Variants in IL1RAPL2 observed in about 807,000 individuals in gnomAD.
IL1RAPL2 encodes X-linked interleukin-1 receptor accessory protein-like 2.
Under a neutral mutation model 44.1 loss-of-function variants are expected in IL1RAPL2, and 3 were observed. The observed-to-expected ratio is 0.07, with a 90% CI of 0.03 to 0.18. The LOEUF (loss-of-function observed/expected upper bound fraction) is 0.18, where lower values mean the gene tolerates loss of function less well. IL1RAPL2 is among the 10% of genes least tolerant of loss of function. IL1RAPL2 has a pLI of 1.00. For missense variants in IL1RAPL2, 391 were observed against 496.4 expected (o/e 0.79, Z 2.02); for synonymous variants, 181 against 178.8 (o/e 1.01, Z -0.10).
At chrX:104,660,964 A>G (rs1930388391) in intron 2 of IL1RAPL2, among the ~76,000 whole-genome samples, 1 of 109,753 alleles carries the variant, frequency 9.1e-6, no homozygotes, top group Non-Finnish European at 1.9e-5. Context: ...ACACACACAC[A>G]CATACACACA....
intron 6 of IL1RAPL2, among the ~76,000 whole-genome samples, chrX:105,533,991 C>G (rs1602454218): frequency 8.9e-6 from 1 of 112,112 alleles, no homozygotes; most frequent in Non-Finnish European, 1.9e-5. Context: ...TAGATTATGG[C>G]TAACATTTTG....
intron 2 of IL1RAPL2, among the ~76,000 whole-genome samples, chrX:105,177,682 C>T (rs1012680967): frequency 9.0e-6 from 1 of 111,215 alleles, no homozygotes; most frequent in African/African-American, 3.3e-5. Context: ...AAATACGTAC[C>T]AACTAACAAA....
At chrX:105,705,891 G>C (rs1223197052) in intron 6 of IL1RAPL2, among the ~76,000 whole-genome samples, 1 of 111,586 alleles carries the variant, frequency 9.0e-6, no homozygotes, top group African/African-American at 3.3e-5. Flanking sequence ...TAAAAGCTTA[G>C]AAATACAAAA....
intron 6 of IL1RAPL2, among the ~76,000 whole-genome samples, chrX:105,573,997 C>T (rs2037033206): frequency 9.0e-6 from 1 of 111,118 alleles, no homozygotes; most frequent in Non-Finnish European, 1.9e-5. Context: ...GGGAAGACCA[C>T]TAAGGATATT....
intron 5 of IL1RAPL2, among the ~76,000 whole-genome samples, chrX:105,355,149 G>C (rs1035162016): frequency 6.3e-5 from 7 of 111,327 alleles, no homozygotes; most frequent in African/African-American, 2.3e-4. Context: ...ATCTGGTACT[G>C]CTCCTTGTAA....
chrX:104,880,030 G>A (rs1923021054), intron 2 of IL1RAPL2, among the ~76,000 whole-genome samples: 1 of 110,615 alleles, frequency 9.0e-6, no homozygotes, highest in Admixed American at 9.7e-5. Flanking sequence ...TCAAATGATA[G>A]TACTTCTCAT....
chrX:104,790,775 A>G (rs889214028), intron 2 of IL1RAPL2, among the ~76,000 whole-genome samples: 1 of 111,404 alleles, frequency 9.0e-6, no homozygotes, highest in African/African-American at 3.3e-5. Context: ...TCTTCCTGTT[A>G]CCTTTTTCAC....
intron 3 of IL1RAPL2, chrX:105,218,882 C>G: frequency 9.7e-6 from 9 of 924,969 alleles, no homozygotes; most frequent in Non-Finnish European, 1.4e-5. Context: ...CCACCCCGGC[C>G]CCCGCCACCA....
Position 105,410,235 on chromosome X carries a change from A to T in IL1RAPL2, c.698-74078A>T, listed in dbSNP as rs144657613. Among the ~76,000 whole-genome samples, 718 of 110,644 alleles carry T rather than the reference A, an allele frequency of 6.5e-3. 4 individuals carry two copies. The highest frequency in any genetic ancestry group is 0.023 in the African/African-American group (704 of 30,537). On this transcript the variant is annotated intron_variant, in intron 5 of 10. Coordinates refer to ENST00000372582, the MANE Select transcript of IL1RAPL2 (RefSeq NM_017416.2). ...GTAGAAGTCAAGGCAGTAGATCCAT[A>T]TATGGGAGTCATCAGTATCTATATG... is the stretch of plus-strand genomic sequence containing the variant.
At chrX:105,467,225 T>A (rs1054505373) in intron 5 of IL1RAPL2, among the ~76,000 whole-genome samples, 1 of 111,947 alleles carries the variant, frequency 8.9e-6, no homozygotes, top group African/African-American at 3.2e-5. Context: ...TCTGAGATTT[T>A]CAAACTTTAA....
chrX:104,738,338 G>A (rs748804414), intron 2 of IL1RAPL2, among the ~76,000 whole-genome samples: 2 of 112,382 alleles, frequency 1.8e-5, no homozygotes, highest in East Asian at 2.8e-4. Context: ...GTGATAAAGT[G>A]CAGTAATATG....
chrX:104,716,642 A>G (rs1000249441), intron 2 of IL1RAPL2, among the ~76,000 whole-genome samples: 2 of 111,599 alleles, frequency 1.8e-5, no homozygotes, highest in African/African-American at 6.5e-5. Flanking sequence ...AAAAGAAGAC[A>G]TACATCCACC....
At chrX:105,080,488 T>C (rs1309633376) in intron 2 of IL1RAPL2, among the ~76,000 whole-genome samples, 2 of 112,155 alleles carry the variant, frequency 1.8e-5, no homozygotes, top group East Asian at 5.6e-4. Context: ...CCTTTCCCCA[T>C]TGCTTGTTTT....
At chrX:104,621,429 A>G (rs780459131) in intron 1 of IL1RAPL2, among the ~76,000 whole-genome samples, 1 of 109,110 alleles carries the variant, frequency 9.2e-6, no homozygotes, top group East Asian at 2.9e-4. Flanking sequence ...TCTGTGTGCC[A>G]TTGCTGGGTG....
intron 8 of IL1RAPL2, among the ~76,000 whole-genome samples, chrX:105,746,244 A>G (rs1847305291): frequency 8.9e-6 from 1 of 112,298 alleles, no homozygotes; most frequent in African/African-American, 3.2e-5. Flanking sequence ...GAAGGTAAAA[A>G]GAGCTACACA....
At chrX:104,654,537 G>A in intron 1 of IL1RAPL2, among the ~76,000 whole-genome samples, 1 of 111,185 alleles carries the variant, frequency 9.0e-6, no homozygotes. Flanking sequence ...TGTGAAATAA[G>A]ATCAAAGAGG....
chrX:105,231,599 G>C (rs2034071302), intron 3 of IL1RAPL2, among the ~76,000 whole-genome samples: 1 of 112,025 alleles, frequency 8.9e-6, no homozygotes, highest in African/African-American at 3.2e-5. Context: ...TAGATCCCAG[G>C]GATGGTGTAA....
At chrX:104,580,650 A>T (rs1928328269) in intron 1 of IL1RAPL2, among the ~76,000 whole-genome samples, 2 of 112,095 alleles carry the variant, frequency 1.8e-5, no homozygotes, top group Admixed American at 1.9e-4. Flanking sequence ...AAAGTCGATG[A>T]TAGGAAAGAA....
At chrX:105,113,958 C>T (rs2032826990) in intron 2 of IL1RAPL2, among the ~76,000 whole-genome samples, 2 of 112,001 alleles carry the variant, frequency 1.8e-5, no homozygotes, top group African/African-American at 6.5e-5. Flanking sequence ...CTATCCCTTA[C>T]TAGTTAACTG....
Sources: allele counts gnomAD v4.1 joint callset (sites outside exome capture counted in the v4.1 genomes callset), GRCh38; gene constraint gnomAD v4.1.1; transcripts MANE v1.5; gene names NCBI Gene and HGNC (gene_info 2026-07-23, HGNC 2026-07-21).